The following MTUS2 variants were observed in gnomAD, a reference collection of about 807,000 sequenced individuals.
MTUS2 encodes microtubule associated scaffold protein 2.
Under a neutral mutation model 114.1 loss-of-function variants are expected in MTUS2, and 40 were observed. The ratio of observed to expected loss-of-function variants is 0.35; its 90% CI spans 0.27 to 0.46. MTUS2 has a LOEUF of 0.46. MTUS2 is among the 20% of genes least tolerant of loss of function. The pLI is 1.00. For synonymous variants in MTUS2, 688 were observed against 672.0 expected, an observed-to-expected ratio of 1.02 and a Z score of -0.37; for missense variants, 1,679 against 1,705.4, an observed-to-expected ratio of 0.98 and a Z score of 0.27.
At chr13:28,942,870 C>T (rs1000547018) in intron 2 of MTUS2, among the ~76,000 whole-genome samples, 3 of 152,104 alleles carry the variant, frequency 2.0e-5, no homozygotes, top group Non-Finnish European at 4.4e-5. Flanking sequence ...GTGCTGTTTC[C>T]TGATTCCAGT....
chr13:29,415,188 C>T (rs549632263), intron 8 of MTUS2, among the ~76,000 whole-genome samples: 2 of 151,930 alleles, frequency 1.3e-5, no homozygotes, highest in East Asian at 3.9e-4. Flanking sequence ...ATGGAACTTA[C>T]TAGTATTTTC....
In MTUS2 at chr13:29,026,139, A is replaced by G; in HGVS notation, c.1441A>G (p.Thr481Ala). 1 of 1,613,990 alleles carries G rather than the reference A, an allele frequency of 6.2e-7. No individual in the cohort carries two copies. The highest frequency in any genetic ancestry group is 2.2e-5 in the East Asian group (1 of 44,884). Reference protein sequence around the residue: ...VFNPSVGENKTEVPEPLDPQS... With the variant: ...VFNPSVGENKAEVPEPLDPQS... ...CAATCCTTCTGTTGGAGAGAACAAG[A>G]CGGAGGTGCCTGAGCCCCTGGACCC... is the stretch of plus-strand genomic sequence containing the variant. The change falls in exon 3 of 16, where the codon ACG (threonine) becomes GCG (alanine). Residue 481 changes from threonine to alanine, a missense_variant. By Grantham distance (58) the Thr-to-Ala change is moderately conservative. Transcript: ENST00000612955.
At chr13:28,894,301 A>G (rs1593277579) in intron 2 of MTUS2, among the ~76,000 whole-genome samples, 4 of 3,142 alleles carry the variant, frequency 1.3e-3, no homozygotes, top group African/African-American at 2.7e-3. Context: ...AGAGAGAGAG[A>G]GAGGGGGGGG....
At chr13:28,994,915 C>A (rs9550431) in intron 2 of MTUS2, among the ~76,000 whole-genome samples, 62,889 of 151,752 alleles carry the variant, frequency 0.41, 13,742 homozygotes, top group South Asian at 0.57. Context: ...ATTAGATCCC[C>A]TTTGTCAATT....
intron 2 of MTUS2, among the ~76,000 whole-genome samples, chr13:28,918,943 AAAG>A (rs1449181164): frequency 6.6e-6 from 1 of 152,068 alleles, no homozygotes; most frequent in Non-Finnish European, 1.5e-5. Flanking sequence ...AAACAAGCAA[AAAG>A]AAAACTAATA....
At chr13:29,205,337 G>T (rs1355846021) in intron 5 of MTUS2, among the ~76,000 whole-genome samples, 1 of 152,118 alleles carries the variant, frequency 6.6e-6, no homozygotes, top group African/African-American at 2.4e-5. Flanking sequence ...AAAATTTCCA[G>T]CCTTCATACA....
chr13:29,371,436 T>C (rs1207622116), intron 8 of MTUS2, among the ~76,000 whole-genome samples: 1 of 152,180 alleles, frequency 6.6e-6, no homozygotes, highest in Non-Finnish European at 1.5e-5. Flanking sequence ...CAGGCTGGTC[T>C]CAAACTCCTG....
At chr13:29,281,622 G>C in intron 5 of MTUS2, 82 bp from the exon 6 acceptor site, 1 of 1,422,088 alleles carries the variant, frequency 7.0e-7, no homozygotes, top group South Asian at 1.3e-5. Flanking sequence ...GACGGCAGTA[G>C]GATTGGTTGG....
At chr13:29,390,605 T>C (rs1873360265) in intron 8 of MTUS2, among the ~76,000 whole-genome samples, 1 of 146,558 alleles carries the variant, frequency 6.8e-6, no homozygotes, top group African/African-American at 2.5e-5. Context: ...TGAGCCGAGA[T>C]GGCATCACTG....
chr13:29,389,295 GTGTATA>G (rs1872882177), intron 8 of MTUS2, among the ~76,000 whole-genome samples: 2 of 145,860 alleles, frequency 1.4e-5, no homozygotes, highest in African/African-American at 5.3e-5. Context: ...ACACATATGT[GTGTATA>G]TGTGTATATA....
chr13:29,269,870 C>T (rs865870509), intron 5 of MTUS2, among the ~76,000 whole-genome samples: 4 of 152,058 alleles, frequency 2.6e-5, no homozygotes, highest in African/African-American at 2.4e-5. Flanking sequence ...TACCATAGGG[C>T]CTTTGAAAAA....
chr13:29,281,661 T>C, intron 5 of MTUS2, 43 bp from the exon 6 acceptor site: 1 of 1,540,492 alleles, frequency 6.5e-7, no homozygotes, highest in Non-Finnish European at 8.8e-7. Flanking sequence ...GCTCCATCCA[T>C]TTTTCATGAA....
intron 2 of MTUS2, among the ~76,000 whole-genome samples, chr13:28,864,347 G>C (rs1877171503): frequency 1.3e-5 from 2 of 152,124 alleles, no homozygotes; most frequent in African/African-American, 4.8e-5. Context: ...CTATTTTATG[G>C]GGTAGGCAAG....
At chr13:28,846,475 G>T (rs1276352908) in intron 2 of MTUS2, among the ~76,000 whole-genome samples, 1 of 152,112 alleles carries the variant, frequency 6.6e-6, no homozygotes, top group East Asian at 1.9e-4. Context: ...AAAGCTGTGT[G>T]TGTCTTTTAA....
chr13:29,136,316 G>T (rs969007292), intron 5 of MTUS2, among the ~76,000 whole-genome samples: 1 of 152,172 alleles, frequency 6.6e-6, no homozygotes, highest in Non-Finnish European at 1.5e-5. Flanking sequence ...TGTGGTCATT[G>T]TCCCTGTTTA....
chr13:29,494,978 A>G (rs1196670898), intron 12 of MTUS2, among the ~76,000 whole-genome samples: 1 of 151,508 alleles, frequency 6.6e-6, no homozygotes, highest in Non-Finnish European at 1.5e-5. Flanking sequence ...CTAAGGTCAG[A>G]GTTTGAGACC....
chr13:28,858,824 T>A (rs1204586090), intron 2 of MTUS2, among the ~76,000 whole-genome samples: 1 of 151,722 alleles, frequency 6.6e-6, no homozygotes, highest in African/African-American at 2.4e-5. Context: ...ACAGAGTGGG[T>A]GGGGATGAAG....
chr13:29,328,842 TG>T (rs922335119), intron 7 of MTUS2, among the ~76,000 whole-genome samples: 3 of 152,202 alleles, frequency 2.0e-5, no homozygotes, highest in African/African-American at 7.2e-5. Flanking sequence ...AAATATACTG[TG>T]GGATAAAATC....
intron 2 of MTUS2, among the ~76,000 whole-genome samples, chr13:28,882,115 G>A (rs1051481187): frequency 1.1e-4 from 17 of 151,880 alleles, no homozygotes; most frequent in Non-Finnish European, 1.5e-4. Context: ...GCTGGAGTGC[G>A]GCAGCATGAT....
Sources: allele counts gnomAD v4.1 joint callset (sites outside exome capture counted in the v4.1 genomes callset), GRCh38; gene constraint gnomAD v4.1.1; transcripts MANE v1.5; gene names NCBI Gene and HGNC (gene_info 2026-07-23, HGNC 2026-07-21).